The following RIC3 variants were observed in gnomAD, a reference collection of about 807,000 sequenced individuals.
RIC3 encodes protein RIC-3.
A neutral mutation model predicts 27.3 loss-of-function variants in RIC3; 28 were observed. That is an observed-to-expected ratio of 1.02 (90% CI 0.76 to 1.41). RIC3 has a LOEUF of 1.41. Among genes scored for constraint, RIC3 ranks in the 40% most tolerant of loss-of-function variants. The pLI is 0.00. For missense variants in RIC3, 501 were observed against 444.7 expected (o/e 1.13, Z -1.14); for synonymous variants, 184 against 160.4 (o/e 1.15, Z -1.11).
At chr11:8,131,148 C>T (rs1199042059) in intron 4 of RIC3, among the ~76,000 whole-genome samples, 2 of 150,938 alleles carry the variant, frequency 1.3e-5, no homozygotes, top group East Asian at 1.9e-4. Context: ...ACTCACTCTT[C>T]TACTTCATCT....
chr11:8,164,817 T>C (rs1052649784), intron 1 of RIC3, among the ~76,000 whole-genome samples: 6 of 134,972 alleles, frequency 4.4e-5, no homozygotes, highest in Admixed American at 3.7e-4. Context: ...AGACAAGTAA[T>C]CTGACTTTTA....
At chr11:8,100,623 C>T in the RIC3 span, 5 of 1,604,948 alleles carry the variant, frequency 3.1e-6, no homozygotes, top group South Asian at 1.1e-5. Context: ...CCCCTTCCTC[C>T]CCTCTTTCCC....
downstream of RIC3, chr11:8,103,990 T>C (rs974343651): frequency 1.3e-5 from 2 of 152,212 alleles, no homozygotes; most frequent in East Asian, 3.9e-4. Context: ...TGGAGAAGGA[T>C]AGCCTCAGCC....
downstream of RIC3, chr11:8,101,410 G>A: frequency 1.3e-6 from 2 of 1,572,814 alleles, no homozygotes; most frequent in African/African-American, 1.3e-5. Context: ...TGTGGTTTGG[G>A]TGTCTGTCTA....
rs56867812 is a variant in RIC3, at chr11:8,127,569, T to A, written c.522-762A>T. Among the ~76,000 whole-genome samples, 398 of 152,268 alleles carry A rather than the reference T, an allele frequency of 2.6e-3. 2 individuals carry two copies. The highest frequency in any genetic ancestry group is 9.3e-3 in the African/African-American group (385 of 41,550). On this transcript the variant is annotated intron_variant, in intron 4 of 5. Transcript: ENST00000309737. ...CTGGCAAATATCTGCAAAAATAACA[T>A]GAGACTCAAGGATAACAGTTTGATT...
chr11:8,094,229 G>A, the RIC3 span: 4 of 1,572,016 alleles, frequency 2.5e-6, no homozygotes, highest in South Asian at 2.4e-5. Context: ...AGCAGGCCTG[G>A]CCTCCACTGT....
chr11:8,137,677 G>A (rs999016979), intron 3 of RIC3, among the ~76,000 whole-genome samples: 2 of 152,172 alleles, frequency 1.3e-5, no homozygotes, highest in African/African-American at 4.8e-5. Flanking sequence ...TAGTTCCATA[G>A]AAAATCCAGA....
At position 8,106,607 on chromosome 11, in the gene RIC3, A is replaced by G. The variant is rs1013980772; in HGVS notation, c.*4091T>C. On this transcript the variant is annotated 3_prime_UTR_variant, in exon 6 of 6. Transcript: ENST00000309737. The stretch of plus-strand genomic sequence containing the variant: ...ACAGGGCTGTAGAGATGAAAAAGGT[A>G]TAAAAGACCCAACCACTTGATGTCT... 3 of 152,296 alleles carry G rather than the reference A, an allele frequency of 2.0e-5. No homozygotes were observed. The highest frequency in any genetic ancestry group is 4.8e-5 in the African/African-American group (2 of 41,468). The allele number at this position is 152,296 out of a possible 1,614,324, so 9.4% of individuals were successfully genotyped here.
intron 1 of RIC3, among the ~76,000 whole-genome samples, chr11:8,145,746 C>G (rs531562417): frequency 4.0e-5 from 6 of 151,772 alleles, no homozygotes; most frequent in Admixed American, 3.3e-4. Context: ...AAAGGAATCT[C>G]AAATGGCCAA....
intron 1 of RIC3, among the ~76,000 whole-genome samples, chr11:8,147,261 A>C (rs942570363): frequency 6.6e-6 from 1 of 152,196 alleles, no homozygotes; most frequent in African/African-American, 2.4e-5. Flanking sequence ...TATAAAACTA[A>C]GCTGTGCCCT....
In RIC3 at chr11:8,143,842, T is replaced by C. The variant is rs535275119; in HGVS notation, c.125-3649A>G. ...GTACCAAAACAGAGATATAGATCAA[T>C]GGAACAGAACAGAGCCCTCAGAAAT... On this transcript the variant is annotated intron_variant, in intron 1 of 5. Coordinates refer to ENST00000309737, the MANE Select transcript of RIC3 (RefSeq NM_001206671.4). Among the ~76,000 whole-genome samples, 18 of 152,158 alleles carry C rather than the reference T, an allele frequency of 1.2e-4. 1 individual carries two copies. Among genetic ancestry groups the C allele is most frequent in the Middle Eastern group, 3.4e-3 (1 of 292 alleles).
intron 1 of RIC3, among the ~76,000 whole-genome samples, chr11:8,153,996 C>T (rs1444538664): frequency 5.3e-5 from 8 of 152,160 alleles, no homozygotes; most frequent in African/African-American, 1.9e-4. Flanking sequence ...GTAGCAACCT[C>T]ACCTCTTGGA....
intron 4 of RIC3, among the ~76,000 whole-genome samples, chr11:8,132,865 T>C (rs78065439): frequency 0.017 from 2,570 of 152,196 alleles, 76 homozygotes; most frequent in African/African-American, 0.058. Context: ...CTAATAATCA[T>C]AGGAGCACAG....
In RIC3 at chr11:8,140,194, C is replaced by T; in HGVS notation, c.125-1G>A. On this transcript the variant is annotated splice_acceptor_variant, in intron 1 of 5. Coordinates refer to ENST00000309737, the MANE Select transcript of RIC3 (RefSeq NM_001206671.4). LOFTEE classifies it high-confidence loss of function. ...ATAGGTGGAAATCGGCCCAATTTTC[C>T]TGAGAAAATAATAATCACTTTTTAT... 1 of 1,609,482 alleles carries T rather than the reference C, an allele frequency of 6.2e-7. No homozygotes were observed. The highest frequency in any genetic ancestry group is 8.5e-7 in the Non-Finnish European group (1 of 1,178,160).
At chr11:8,159,187 A>T (rs1031238160) in intron 1 of RIC3, among the ~76,000 whole-genome samples, 1 of 152,198 alleles carries the variant, frequency 6.6e-6, no homozygotes, top group Non-Finnish European at 1.5e-5. Flanking sequence ...GCAGTTTGAG[A>T]GAAAACATGA....
intron 1 of RIC3, among the ~76,000 whole-genome samples, chr11:8,144,173 T>C (rs990440781): frequency 4.0e-5 from 6 of 151,840 alleles, no homozygotes; most frequent in Non-Finnish European, 8.8e-5. Context: ...GACAAAATTG[T>C]CAAATGGGAT....
At position 8,118,409 on chromosome 11, in the gene RIC3, T is replaced by C. The variant is rs141146714; in HGVS notation, c.671-7272A>G. On this transcript the variant is annotated intron_variant, in intron 5 of 5. Transcript: ENST00000309737. ...GGCGTTAACATCAACCAATTTATGA[T>C]TGATATTCCTAATAATATTCAAGAA... 3.0e-3 allele frequency among the ~76,000 whole-genome samples: 455 copies of C among 151,298 alleles called. 7 individuals carry two copies. Among genetic ancestry groups the C allele is most frequent in the Non-Finnish European group, 1.9e-3 (132 of 67,876 alleles).
chr11:8,101,391 C>A, downstream of RIC3: 1 of 1,475,360 alleles, frequency 6.8e-7, no homozygotes, highest in Non-Finnish European at 9.4e-7. Flanking sequence ...CTCACTTGTT[C>A]TTCCCTCATG....
In RIC3 at chr11:8,131,341, T is replaced by C. The variant is rs557231125; in HGVS notation, c.522-4534A>G. 2.0e-5 allele frequency among the ~76,000 whole-genome samples: 3 copies of C among 152,292 alleles called. No homozygotes were observed. The South Asian group carries it at 6.2e-4, about 32-fold the overall frequency. On this transcript the variant is annotated intron_variant, in intron 4 of 5. Transcript: ENST00000309737. The stretch of plus-strand genomic sequence containing the variant: ...AATAAAAGGTCAATCAAGGATAACA[T>C]CTAATTTCTGCTTTGGGCAACCAAG...
Sources: gnomAD v4.1 joint callset for allele counts (sites outside exome capture counted in the v4.1 genomes callset) on GRCh38, gnomAD v4.1.1 for gene constraint, MANE v1.5 for transcripts, NCBI Gene and HGNC (gene_info 2026-07-23, HGNC 2026-07-21) for gene names.